Variants in FMN2 observed in about 807,000 individuals in gnomAD.
FMN2 encodes the protein formin-2.
A neutral mutation model predicts 142.3 loss-of-function variants in FMN2; 51 were observed. The observed-to-expected ratio is 0.36, with a 90% CI of 0.29 to 0.45. FMN2 has a LOEUF of 0.45. Ranked by LOEUF, FMN2 falls within the 20% of genes least tolerant of loss-of-function variation. The pLI is 1.00. For synonymous variants in FMN2, 882 were observed against 869.8 expected (o/e 1.01, Z -0.25); for missense variants, 1,936 against 2,122.8 (o/e 0.91, Z 1.73).
chr1:240,167,607 A>G (rs1286254080), intron 2 of FMN2, among the ~76,000 whole-genome samples: 2 of 152,210 alleles, frequency 1.3e-5, no homozygotes, highest in East Asian at 3.8e-4. Context: ...GCTTTGGGCA[A>G]TCACATTTAT....
At chr1:240,218,255 C>T (rs992181576) in intron 6 of FMN2, among the ~76,000 whole-genome samples, 2 of 122,206 alleles carry the variant, frequency 1.6e-5, no homozygotes, top group South Asian at 2.7e-4. Flanking sequence ...TGCACTCCAG[C>T]CTGGCGACAG....
At chr1:240,373,724 C>G (rs558190657) in intron 14 of FMN2, among the ~76,000 whole-genome samples, 1 of 152,198 alleles carries the variant, frequency 6.6e-6, no homozygotes, top group African/African-American at 2.4e-5. Context: ...CTTTCCTCTG[C>G]GGAAGACTTG....
intron 4 of FMN2, 50 bp from the exon 5 acceptor site, chr1:240,206,749 C>A (rs368085142): frequency 1.3e-6 from 2 of 1,549,966 alleles, no homozygotes; most frequent in South Asian, 1.2e-5. Context: ...TTGCTATTTG[C>A]ATTTTTCCTT....
chr1:240,142,035 AGAG>A (rs1324271125), intron 2 of FMN2, among the ~76,000 whole-genome samples: 4 of 152,194 alleles, frequency 2.6e-5, no homozygotes, highest in Admixed American at 1.3e-4. Context: ...TCGCTACATG[AGAG>A]GAGGACAGTT....
intron 7 of FMN2, among the ~76,000 whole-genome samples, chr1:240,264,030 T>C (rs1414993357): frequency 3.9e-5 from 6 of 152,200 alleles, no homozygotes; most frequent in Admixed American, 3.9e-4. Context: ...GTTGATACAG[T>C]CAATAAAATT....
chr1:240,108,921 A>G (rs1661706761), intron 1 of FMN2, among the ~76,000 whole-genome samples: 1 of 152,174 alleles, frequency 6.6e-6, no homozygotes, highest in Non-Finnish European at 1.5e-5. Context: ...CTGTAATCCC[A>G]GCTACTCAGG....
chr1:240,289,249 G>A (rs1431635492), intron 7 of FMN2, among the ~76,000 whole-genome samples: 1 of 152,138 alleles, frequency 6.6e-6, no homozygotes, highest in Non-Finnish European at 1.5e-5. Flanking sequence ...AGCCCTGAGA[G>A]ACTGCTCCAG....
At chr1:240,166,848 G>A (rs940795473) in intron 2 of FMN2, among the ~76,000 whole-genome samples, 2 of 152,302 alleles carry the variant, frequency 1.3e-5, no homozygotes, top group East Asian at 1.9e-4. Flanking sequence ...TTGACTGGGC[G>A]CAGCGGCTCA....
At chr1:240,129,062 C>G (rs532970284) in intron 2 of FMN2, among the ~76,000 whole-genome samples, 1 of 151,846 alleles carries the variant, frequency 6.6e-6, no homozygotes, top group Non-Finnish European at 1.5e-5. Context: ...TTAGTAGTGA[C>G]GAGGTTTTAC....
chr1:240,399,274 C>G (rs1175123942), intron 15 of FMN2, among the ~76,000 whole-genome samples: 2 of 152,010 alleles, frequency 1.3e-5, no homozygotes, highest in Admixed American at 1.3e-4. Context: ...TTCCATTTAC[C>G]ATAATACCTG....
At chr1:240,129,703 A>G (rs1272561625) in intron 2 of FMN2, among the ~76,000 whole-genome samples, 1 of 151,928 alleles carries the variant, frequency 6.6e-6, no homozygotes, top group Non-Finnish European at 1.5e-5. Flanking sequence ...GGGTTTGGCC[A>G]TGTTGCCCAA....
At chr1:240,245,610 T>G in intron 6 of FMN2, 1 of 471,072 alleles carries the variant, frequency 2.1e-6, no homozygotes, top group Non-Finnish European at 4.4e-6. Context: ...TTTACCCTAC[T>G]GCCTAGCACA....
At chr1:240,395,434 A>G (rs1024108612) in intron 15 of FMN2, among the ~76,000 whole-genome samples, 1 of 152,200 alleles carries the variant, frequency 6.6e-6, no homozygotes, top group African/African-American at 2.4e-5. Context: ...TAGCTGCCAT[A>G]GGTAGTGATT....
intron 13 of FMN2, among the ~76,000 whole-genome samples, chr1:240,350,172 G>A (rs1005864691): frequency 1.8e-4 from 28 of 152,164 alleles, no homozygotes; most frequent in Admixed American, 3.3e-4. Flanking sequence ...ACTCTAGAAC[G>A]TGACATTCTA....
intron 2 of FMN2, among the ~76,000 whole-genome samples, chr1:240,161,196 G>A (rs1664262008): frequency 6.6e-6 from 1 of 152,120 alleles, no homozygotes; most frequent in Non-Finnish European, 1.5e-5. Flanking sequence ...GTGAATGCGT[G>A]CTTGTGTGCT....
chr1:240,122,149 G>T (rs1283671112), intron 1 of FMN2, among the ~76,000 whole-genome samples: 1 of 151,786 alleles, frequency 6.6e-6, no homozygotes, highest in Non-Finnish European at 1.5e-5. Context: ...GTGCAATGGC[G>T]TGATCGCGGC....
At chr1:240,339,665 T>C (rs951069042) in intron 13 of FMN2, among the ~76,000 whole-genome samples, 2 of 152,150 alleles carry the variant, frequency 1.3e-5, no homozygotes, top group Non-Finnish European at 2.9e-5. Flanking sequence ...AAAACATTTG[T>C]ATTTCCACAG....
At chr1:240,201,806 C>G (rs1413805728) in intron 4 of FMN2, among the ~76,000 whole-genome samples, 3 of 152,012 alleles carry the variant, frequency 2.0e-5, no homozygotes, top group South Asian at 4.1e-4. Flanking sequence ...TTTGCAGGAA[C>G]TGGAAACTAT....
intron 2 of FMN2, among the ~76,000 whole-genome samples, chr1:240,169,071 C>T (rs1311714080): frequency 1.3e-5 from 2 of 152,040 alleles, no homozygotes; most frequent in East Asian, 1.9e-4. Flanking sequence ...ATTAGCTGGG[C>T]GTGGTGGCAC....
Sources: allele counts gnomAD v4.1 joint callset (sites outside exome capture counted in the v4.1 genomes callset), GRCh38; gene constraint gnomAD v4.1.1; transcripts MANE v1.5; gene names NCBI Gene and HGNC (gene_info 2026-07-23, HGNC 2026-07-21).